Variants in GIGYF2 observed in about 807,000 individuals in gnomAD.
The protein encoded by GIGYF2 is GRB10 interacting GYF protein 2.
A neutral mutation model predicts 208.1 loss-of-function variants in GIGYF2; 25 were observed. That is an observed-to-expected ratio of 0.12 (90% confidence interval 0.09 to 0.17). The LOEUF is 0.17. Among genes scored for constraint, GIGYF2 ranks in the 10% least tolerant of loss-of-function variants. GIGYF2 has a pLI of 1.00. For missense variants in GIGYF2, 1,302 were observed against 1,579.4 expected, an observed-to-expected ratio of 0.82 and a Z score of 2.98; for synonymous variants, 534 against 543.8, an observed-to-expected ratio of 0.98 and a Z score of 0.25.
intron 8 of GIGYF2, among the ~76,000 whole-genome samples, chr2:232,786,298 C>T (rs538659791): frequency 1.4e-4 from 22 of 152,088 alleles, no homozygotes; most frequent in African/African-American, 5.3e-4. Flanking sequence ...AGTACAGTGT[C>T]GCGATCTCTG....
At chr2:232,823,303 G>A (rs533741786) in intron 21 of GIGYF2, among the ~76,000 whole-genome samples, 4 of 150,758 alleles carry the variant, frequency 2.7e-5, no homozygotes, top group Middle Eastern at 3.4e-3. Flanking sequence ...AAGAATATTT[G>A]CATCTGTGTT....
intron 3 of GIGYF2, among the ~76,000 whole-genome samples, chr2:232,745,513 T>G (rs1698118982): frequency 6.6e-6 from 1 of 152,186 alleles, no homozygotes; most frequent in Admixed American, 6.5e-5. Flanking sequence ...AATAAAATAA[T>G]GTGTTACTGT....
intron 8 of GIGYF2, among the ~76,000 whole-genome samples, chr2:232,775,612 T>C (rs117669976): frequency 1.3e-5 from 2 of 152,276 alleles, no homozygotes; most frequent in East Asian, 3.9e-4. Flanking sequence ...ATTTGCCCAT[T>C]TATAAATTAT....
chr2:232,850,506 G>C lies in GIGYF2; in HGVS notation c.3832+97G>C, dbSNP rs560737216. The C allele has an allele frequency of 8.6e-6, 10 of 1,156,820 alleles. No homozygotes were observed. In the East Asian group the frequency reaches 2.2e-4, roughly 26 times the overall value. The allele number at this position is 1,156,820 out of a possible 1,614,324, so 71.7% of individuals were successfully genotyped here. A position where few individuals can be genotyped will look rare whatever the true frequency, so the allele number is the denominator to read the frequency against. ...CATTGAGCATTGTTTTTCAAGAAGG[G>C]AAATATTTCTTTTTATCAATAACTA... On this transcript the variant is annotated intron_variant, in intron 28 of 28. Coordinates refer to ENST00000373563, the MANE Select transcript of GIGYF2 (RefSeq NM_001103146.3).
intron 25 of GIGYF2, among the ~76,000 whole-genome samples, chr2:232,844,908 T>G (rs1313715008): frequency 6.6e-6 from 1 of 152,246 alleles, no homozygotes; most frequent in East Asian, 1.9e-4. Flanking sequence ...TTTTCCTATA[T>G]TTGTATTTTT....
At position 232,755,036 on chromosome 2, in the gene GIGYF2, T is replaced by TCAA. The variant is rs533818542; in HGVS notation, c.268-1187_268-1186insCAA. ...ATGAAAGTAGAAGTTTTTTAACGAT[T>TCAA]AGATGTTGACTTCTTCAAAAGAAGG... On this transcript the variant is annotated intron_variant, in intron 5 of 28. Coordinates refer to ENST00000373563, the MANE Select transcript of GIGYF2 (RefSeq NM_001103146.3). 2.3e-4 allele frequency among the ~76,000 whole-genome samples: 35 copies of TCAA among 152,338 alleles called. No individual in the cohort carries two copies. The South Asian group carries it at 7.2e-3, about 32-fold the overall frequency.
rs1255934320 is a variant in GIGYF2 at position 232,735,370 on chromosome 2, A to G, written c.41+132A>G. On this transcript the variant is annotated intron_variant, in intron 3 of 28. Coordinates refer to ENST00000373563, the MANE Select transcript of GIGYF2 (RefSeq NM_001103146.3). ...TGCTTTATGTGCCTCGCTGAAAACA[A>G]TGTGTTAGTTCAGGAATAAATTATA... 5.7e-6 allele frequency: 4 copies of G among 705,590 alleles called. No individual in the cohort carries two copies. In the East Asian group the frequency reaches 8.1e-5, roughly 14 times the overall value. The allele number at this position is 705,590 out of a possible 1,614,324, so 43.7% of individuals were successfully genotyped here.
intron 14 of GIGYF2, among the ~76,000 whole-genome samples, chr2:232,801,441 C>G (rs1321112168): frequency 2.0e-5 from 3 of 152,174 alleles, no homozygotes; most frequent in African/African-American, 7.2e-5. Flanking sequence ...AGGAGAATTG[C>G]TAGAGCCCAG....
intron 26 of GIGYF2, among the ~76,000 whole-genome samples, chr2:232,846,440 C>G (rs910278259): frequency 6.6e-6 from 1 of 152,128 alleles, no homozygotes; most frequent in Non-Finnish European, 1.5e-5. Context: ...TCTCCCATCC[C>G]TGAATATTTG....
At chr2:232,697,688 A>G (rs1425481774) in intron 1 of GIGYF2, among the ~76,000 whole-genome samples, 1 of 152,192 alleles carries the variant, frequency 6.6e-6, no homozygotes, top group Non-Finnish European at 1.5e-5. Context: ...GCCTCTTGGC[A>G]TTGCGAGGGG....
intron 22 of GIGYF2, among the ~76,000 whole-genome samples, chr2:232,837,407 G>A (rs1701673060): frequency 6.6e-6 from 1 of 152,096 alleles, no homozygotes; most frequent in Admixed American, 6.5e-5. Flanking sequence ...AAATATTCTT[G>A]AATAAACTTT....
Position 232,727,242 on chromosome 2 carries a change from C to T in GIGYF2, c.-43-7913C>T, listed in dbSNP as rs1029590992. Among the ~76,000 whole-genome samples, 3 of 152,220 alleles carry T rather than the reference C, an allele frequency of 2.0e-5. No individual in the cohort carries two copies. In the South Asian group the frequency reaches 6.2e-4, roughly 31 times the overall value. ...TTGGCCTCCCAAAGTTCTGGGATTA[C>T]AACATGAGCCACTGTGCCCGGCCCA... On this transcript the variant is annotated intron_variant, in intron 2 of 28. Coordinates refer to ENST00000373563, the MANE Select transcript of GIGYF2 (RefSeq NM_001103146.3).
chr2:232,701,385 C>T (rs1559368303), intron 1 of GIGYF2, among the ~76,000 whole-genome samples: 1 of 151,178 alleles, frequency 6.6e-6, no homozygotes, highest in Admixed American at 6.6e-5. Flanking sequence ...TTTGGGGTTG[C>T]AGTGAGCCGT....
chr2:232,781,287 T>TACACACACACACACACACACACACAC (rs3062047), intron 8 of GIGYF2, among the ~76,000 whole-genome samples: 2 of 127,058 alleles, frequency 1.6e-5, no homozygotes, highest in Admixed American at 8.4e-5. Context: ...ATATCAGGAA[T>TACACACACACACACACACACACACAC]ACACACACAC....
At chr2:232,754,693 C>T (rs549788807) in intron 5 of GIGYF2, among the ~76,000 whole-genome samples, 26 of 152,242 alleles carry the variant, frequency 1.7e-4, no homozygotes, top group African/African-American at 6.0e-4. Flanking sequence ...TAGTACCCCA[C>T]TGCTTACTCT....
intron 2 of GIGYF2, among the ~76,000 whole-genome samples, chr2:232,716,932 A>T (rs957823155): frequency 6.6e-6 from 1 of 150,690 alleles, no homozygotes; most frequent in African/African-American, 2.4e-5. Context: ...CAGCCTCCCC[A>T]GTAGCTGGGA....
chr2:232,839,275 G>A (rs1701743389), intron 22 of GIGYF2, among the ~76,000 whole-genome samples: 1 of 152,118 alleles, frequency 6.6e-6, no homozygotes, highest in African/African-American at 2.4e-5. Flanking sequence ...TAAGGGATGG[G>A]AAAAATAAAA....
chr2:232,752,549 C>CT lies in GIGYF2; in HGVS notation c.267+3476dup, dbSNP rs1369322119. On this transcript the variant is annotated intron_variant, in intron 5 of 28. Coordinates refer to ENST00000373563, the MANE Select transcript of GIGYF2 (RefSeq NM_001103146.3). ...CATCAAAGAAGTTACTTTATTCATTCTTTTTTTTTGAGACAGAGTCTCACT... is the reference window on the plus strand; with the variant it reads ...CATCAAAGAAGTTACTTTATTCATTCTTTTTTTTTTGAGACAGAGTCTCACT... 8.6e-5 allele frequency among the ~76,000 whole-genome samples: 13 copies of CT among 151,268 alleles called. No individual in the cohort carries two copies. In the South Asian group the frequency reaches 1.5e-3, roughly 17 times the overall value.
chr2:232,736,426 T>C (rs1697734451), intron 3 of GIGYF2: 2 of 159,164 alleles, frequency 1.3e-5, no homozygotes, highest in South Asian at 2.0e-4. Context: ...TGTGTATATA[T>C]ACACTTATTT....
Sources: allele counts gnomAD v4.1 joint callset (sites outside exome capture counted in the v4.1 genomes callset), GRCh38; gene constraint gnomAD v4.1.1; transcripts MANE v1.5; gene names NCBI Gene and HGNC (gene_info 2026-07-23, HGNC 2026-07-21).